The following PRR16 variants were observed in gnomAD, a reference collection of about 807,000 sequenced individuals.
The protein encoded by PRR16 is proline rich 16, also known as protein Largen.
In PRR16, 6 loss-of-function variants were observed where a neutral mutation model predicts 18.2. The ratio of observed to expected loss-of-function variants is 0.33; its 90% CI spans 0.18 to 0.65. The LOEUF is 0.65. Among genes scored for constraint, PRR16 ranks in the 30% least tolerant of loss-of-function variants. PRR16 has a pLI of 0.74. For missense variants in PRR16, 412 were observed against 376.6 expected, an observed-to-expected ratio of 1.09 and a Z score of -0.78; for synonymous variants, 151 against 147.8, an observed-to-expected ratio of 1.02 and a Z score of -0.16.
At chr5:120,778,687 G>T in the PRR16 span, among the ~76,000 whole-genome samples, 1 of 152,090 alleles carries the variant, frequency 6.6e-6, no homozygotes, top group Admixed American at 6.5e-5. Context: ...TTCTAACCCT[G>T]CTTGTGTTTT....
the PRR16 span, among the ~76,000 whole-genome samples, chr5:120,782,426 T>TCCCATCA: frequency 2.0e-5 from 3 of 152,262 alleles, no homozygotes; most frequent in East Asian, 5.8e-4. Context: ...TTTCAAATTG[T>TCCCATCA]GTTTTAAAAG....
At chr5:120,598,656 G>A (rs187278494) in intron 1 of PRR16, among the ~76,000 whole-genome samples, 25 of 151,728 alleles carry the variant, frequency 1.6e-4, no homozygotes, top group African/African-American at 5.1e-4. Context: ...TTTAATTCCC[G>A]TTTATAAGGG....
At chr5:120,712,968 A>G in the PRR16 span, among the ~76,000 whole-genome samples, 45 of 152,300 alleles carry the variant, frequency 3.0e-4, no homozygotes, top group Non-Finnish European at 5.4e-4. Context: ...ATATACGTAT[A>G]TGACCAAAGG....
At chr5:120,721,231 CAG>C in the PRR16 span, among the ~76,000 whole-genome samples, 2 of 151,950 alleles carry the variant, frequency 1.3e-5, no homozygotes, top group Admixed American at 6.6e-5. Context: ...GTGAACAAAA[CAG>C]AGATTCCTGC....
Position 120,467,332 on chromosome 5 carries a change from G to A in PRR16, c.159+2687G>A, listed in dbSNP as rs143392548. On this transcript the variant is annotated intron_variant, in intron 1 of 1. Coordinates refer to ENST00000407149, the MANE Select transcript of PRR16 (RefSeq NM_001300783.2). ...ATTATCGGCGAGCTCTTCTTAACTTGCAACAGAAATTAAAAATAAAAAAGT... is the reference window on the plus strand; with the variant it reads ...ATTATCGGCGAGCTCTTCTTAACTTACAACAGAAATTAAAAATAAAAAAGT... 2.6e-3 allele frequency among the ~76,000 whole-genome samples: 403 copies of A among 152,092 alleles called. 4 individuals carry two copies. The highest frequency in any genetic ancestry group is 9.3e-3 in the African/African-American group (388 of 41,512).
At chr5:120,552,083 GAC>G (rs1399897146) in intron 1 of PRR16, among the ~76,000 whole-genome samples, 3 of 151,930 alleles carry the variant, frequency 2.0e-5, no homozygotes, top group African/African-American at 7.2e-5. Context: ...ATATAAAAGT[GAC>G]ATGTATCTTT....
chr5:120,674,039 G>A (rs1343924817), intron 1 of PRR16, among the ~76,000 whole-genome samples: 1 of 151,230 alleles, frequency 6.6e-6, no homozygotes, highest in Non-Finnish European at 1.5e-5. Flanking sequence ...TATCAATGCT[G>A]TAAATACACA....
chr5:120,751,191 G>A, the PRR16 span, among the ~76,000 whole-genome samples: 12 of 152,148 alleles, frequency 7.9e-5, no homozygotes, highest in African/African-American at 2.9e-4. Flanking sequence ...TTCATTGATC[G>A]ATGGGCACTT....
the PRR16 span, among the ~76,000 whole-genome samples, chr5:120,761,096 A>T: frequency 2.0e-5 from 3 of 148,254 alleles, no homozygotes; most frequent in African/African-American, 7.8e-5. Flanking sequence ...TATAAAATTT[A>T]TTATTTTATT....
At chr5:120,586,605 T>C in intron 1 of PRR16, among the ~76,000 whole-genome samples, 1 of 152,162 alleles carries the variant, frequency 6.6e-6, no homozygotes, top group Admixed American at 6.5e-5. Context: ...TGGTCTTCAA[T>C]GTTACTATTG....
chr5:120,703,417 C>G, the PRR16 span, among the ~76,000 whole-genome samples: 2 of 152,160 alleles, frequency 1.3e-5, no homozygotes, highest in Non-Finnish European at 2.9e-5. Flanking sequence ...TGACATACAT[C>G]AAATTTATTT....
intron 1 of PRR16, among the ~76,000 whole-genome samples, chr5:120,677,686 G>T (rs999412156): frequency 4.6e-5 from 7 of 152,038 alleles, no homozygotes; most frequent in African/African-American, 1.4e-4. Context: ...TTGTGGTTGA[G>T]AATTGTTGAC....
chr5:120,465,377 G>A (rs1749042539), intron 1 of PRR16, among the ~76,000 whole-genome samples: 1 of 152,226 alleles, frequency 6.6e-6, no homozygotes. Flanking sequence ...GAAGCAGGAC[G>A]CGCAGGAGAG....
At chr5:120,570,884 A>T (rs190743898) in intron 1 of PRR16, among the ~76,000 whole-genome samples, 11 of 152,270 alleles carry the variant, frequency 7.2e-5, no homozygotes, top group Admixed American at 1.3e-4. Flanking sequence ...AAGAATATGA[A>T]TACAATAAAA....
intron 1 of PRR16, among the ~76,000 whole-genome samples, chr5:120,467,623 T>C (rs1749144550): frequency 1.3e-5 from 2 of 152,170 alleles, no homozygotes; most frequent in African/African-American, 4.8e-5. Context: ...CTTTAATAAG[T>C]AGTGACAAAA....
At chr5:120,782,146 T>C in the PRR16 span, among the ~76,000 whole-genome samples, 3 of 152,164 alleles carry the variant, frequency 2.0e-5, no homozygotes, top group African/African-American at 7.2e-5. Context: ...GAGTGTGTGG[T>C]TGGTGTTATT....
At chr5:120,526,097 G>A (rs765876695) in intron 1 of PRR16, among the ~76,000 whole-genome samples, 1 of 152,148 alleles carries the variant, frequency 6.6e-6, no homozygotes, top group Non-Finnish European at 1.5e-5. Context: ...CCTATGGTAT[G>A]AGCTGCAAAG....
intron 1 of PRR16, among the ~76,000 whole-genome samples, chr5:120,644,740 A>G (rs1037262272): frequency 6.6e-6 from 1 of 152,130 alleles, no homozygotes; most frequent in Non-Finnish European, 1.5e-5. Flanking sequence ...CCTTCTTAGA[A>G]TAATGGATGA....
chr5:120,724,608 A>C, the PRR16 span, among the ~76,000 whole-genome samples: 1 of 152,080 alleles, frequency 6.6e-6, no homozygotes, highest in Non-Finnish European at 1.5e-5. Context: ...GAATCATGAT[A>C]ATTTTTTGTT....
Sources: allele counts gnomAD v4.1 joint callset (sites outside exome capture counted in the v4.1 genomes callset), GRCh38; gene constraint gnomAD v4.1.1; transcripts MANE v1.5; gene names NCBI Gene and HGNC (gene_info 2026-07-23, HGNC 2026-07-21).